The following FANK1 variants were observed in gnomAD, a reference collection of about 807,000 sequenced individuals.
The protein encoded by FANK1 is fibronectin type 3 and ankyrin repeat domains protein 1.
A neutral mutation model predicts 45.3 loss-of-function variants in FANK1; 44 were observed. The ratio of observed to expected loss-of-function variants is 0.97; its 90% CI spans 0.76 to 1.25. The LOEUF (loss-of-function observed/expected upper bound fraction) is 1.25. FANK1 is among the 50% of genes most tolerant of loss of function. FANK1 has a pLI of 0.00. For synonymous variants in FANK1, 149 were observed against 152.5 expected (o/e 0.98, Z 0.17); for missense variants, 391 against 424.4 (o/e 0.92, Z 0.69).
chr10:125,985,359 C>T (rs1951485067), intron 2 of FANK1, among the ~76,000 whole-genome samples: 1 of 152,130 alleles, frequency 6.6e-6, no homozygotes, highest in African/African-American at 2.4e-5. Flanking sequence ...ATTCATGGAC[C>T]TATTTTCATT....
At chr10:125,947,788 C>T (rs1948918169) in intron 1 of FANK1, among the ~76,000 whole-genome samples, 1 of 130,368 alleles carries the variant, frequency 7.7e-6, no homozygotes, top group African/African-American at 2.7e-5. Context: ...CAGAACTCTC[C>T]ACCCCAAATC....
intron 8 of FANK1, 133 bp from the exon 9 acceptor site, chr10:126,008,921 A>T: frequency 1.3e-6 from 1 of 789,482 alleles, no homozygotes; most frequent in Non-Finnish European, 2.0e-6. Flanking sequence ...CCTGCAGGCC[A>T]TGCAAAGCCA....
rs375173102 is a variant in FANK1, at chr10:125,977,933, G to A, written c.14-2228G>A. 2.7e-4 allele frequency among the ~76,000 whole-genome samples: 41 copies of A among 152,324 alleles called. No homozygotes were observed. The South Asian group carries it at 8.1e-3, about 30-fold the overall frequency. ...TCCACTGCTGAGATAGTGGCAGAGA[G>A]GCTTTCAGTTGCCCCTGGAGGCTCT... On this transcript the variant is annotated intron_variant, in intron 1 of 10. Transcript: ENST00000368693.
intron 1 of FANK1, among the ~76,000 whole-genome samples, chr10:125,938,806 C>CA (rs1190693044): frequency 1.3e-5 from 2 of 151,894 alleles, no homozygotes; most frequent in Admixed American, 6.6e-5. Context: ...CACTCTGTCT[C>CA]AAAAAACAAA....
intron 1 of FANK1, among the ~76,000 whole-genome samples, chr10:125,955,934 G>A (rs1223381902): frequency 6.6e-6 from 1 of 152,094 alleles, no homozygotes; most frequent in Non-Finnish European, 1.5e-5. Context: ...TCATGTTCAA[G>A]GAAAATGAAA....
rs138308197 is a variant in FANK1, at chr10:126,003,589, A to G, written c.540-1295A>G. Among the ~76,000 whole-genome samples the G allele has an allele frequency of 4.5e-4, 69 of 152,312 alleles. 1 individual carries two copies. The East Asian group carries it at 5.4e-3, about 12-fold the overall frequency. ...CAAATTTTCTTCTCTGTAAAGATAC[A>G]GTTTTCCCATTGCACTTAGAAAATA... On this transcript the variant is annotated intron_variant, in intron 6 of 10. Transcript: ENST00000368693.
intron 1 of FANK1, among the ~76,000 whole-genome samples, chr10:125,932,965 A>AT (rs962336405): frequency 2.6e-4 from 40 of 151,066 alleles, no homozygotes; most frequent in African/African-American, 8.5e-4. Flanking sequence ...AGATCATGTC[A>AT]TTTTTTTTTA....
At chr10:125,958,614 T>C (rs1949728235) in intron 1 of FANK1, among the ~76,000 whole-genome samples, 1 of 152,226 alleles carries the variant, frequency 6.6e-6, no homozygotes, top group Admixed American at 6.5e-5. Context: ...CAAGAGTGTT[T>C]AAGAGTTCCC....
intron 1 of FANK1, among the ~76,000 whole-genome samples, chr10:125,897,411 T>C (rs1448080448): frequency 1.3e-5 from 2 of 152,312 alleles, no homozygotes; most frequent in Admixed American, 6.5e-5. Context: ...TAAGCTGTCT[T>C]ATTGTTCCTT....
At chr10:125,933,726 G>T (rs1003250992) in intron 1 of FANK1, among the ~76,000 whole-genome samples, 7 of 152,050 alleles carry the variant, frequency 4.6e-5, no homozygotes, top group African/African-American at 1.7e-4. Flanking sequence ...TGACCTTAGA[G>T]TGTCAGTTTG....
At chr10:125,991,357 CAG>C (rs1491519402) in intron 3 of FANK1, among the ~76,000 whole-genome samples, 1 of 152,004 alleles carries the variant, frequency 6.6e-6, no homozygotes, top group Non-Finnish European at 1.5e-5. Context: ...TTCTCAACCT[CAG>C]GGGGGCTGTA....
At chr10:125,986,654 C>T (rs1053124966) in intron 2 of FANK1, among the ~76,000 whole-genome samples, 7 of 152,130 alleles carry the variant, frequency 4.6e-5, no homozygotes, top group South Asian at 2.1e-4. Context: ...GCCTGGGAGA[C>T]GTCTGCCTGT....
At chr10:125,988,273 G>A (rs1318523300) in intron 2 of FANK1, among the ~76,000 whole-genome samples, 4 of 152,132 alleles carry the variant, frequency 2.6e-5, no homozygotes, top group Admixed American at 1.3e-4. Context: ...GGCAAATGTC[G>A]TGGTTAACGT....
intron 3 of FANK1, among the ~76,000 whole-genome samples, chr10:125,991,728 C>T (rs903603367): frequency 1.3e-5 from 2 of 152,282 alleles, no homozygotes; most frequent in African/African-American, 4.8e-5. Context: ...GAAAGAAAAA[C>T]AGCTGCTACT....
At chr10:126,006,322 C>G (rs1246368125) in intron 7 of FANK1, among the ~76,000 whole-genome samples, 1 of 152,114 alleles carries the variant, frequency 6.6e-6, no homozygotes, top group East Asian at 1.9e-4. Context: ...AGAAAAGTGC[C>G]CCCTTATAGG....
chr10:125,948,999 CAG>C (rs1157595881), intron 1 of FANK1, among the ~76,000 whole-genome samples: 22 of 147,496 alleles, frequency 1.5e-4, no homozygotes, highest in Admixed American at 1.3e-3. Flanking sequence ...AGCATATAAA[CAG>C]AGCCAAAGAC....
At chr10:126,008,776 C>T (rs537434297) in intron 8 of FANK1, among the ~76,000 whole-genome samples, 10 of 152,288 alleles carry the variant, frequency 6.6e-5, no homozygotes, top group South Asian at 2.1e-4. Context: ...GTCCCCAGGA[C>T]CACTGTGGGA....
chr10:125,944,747 AC>A (rs1948665297), intron 1 of FANK1, among the ~76,000 whole-genome samples: 1 of 152,212 alleles, frequency 6.6e-6, no homozygotes, highest in Admixed American at 6.5e-5. Flanking sequence ...AACTAGCCTA[AC>A]CTATTCCTTT....
intron 1 of FANK1, among the ~76,000 whole-genome samples, chr10:125,950,104 C>T (rs1949101035): frequency 1.4e-5 from 2 of 145,542 alleles, no homozygotes; most frequent in African/African-American, 5.0e-5. Context: ...ACACCTTATA[C>T]AAAAATAAAT....
Sources: allele counts gnomAD v4.1 joint callset (sites outside exome capture counted in the v4.1 genomes callset), GRCh38; gene constraint gnomAD v4.1.1; transcripts MANE v1.5; gene names NCBI Gene and HGNC (gene_info 2026-07-23, HGNC 2026-07-21).